MYH14: variants seen among roughly 807,000 people sequenced by gnomAD.
MYH14 encodes myosin heavy chain 14.
Under a neutral mutation model 255.5 loss-of-function variants are expected in MYH14, and 123 were observed. That is an observed-to-expected ratio of 0.48 (90% CI 0.42 to 0.56). MYH14 has a LOEUF of 0.56. MYH14 is among the 20% of genes least tolerant of loss of function. The probability of loss-of-function intolerance (pLI) is 0.00; values close to 1 mark genes in which losing one functional copy is unlikely to be tolerated. For missense variants in MYH14, 2,423 were observed against 2,802.3 expected (o/e 0.86, Z 3.06); for synonymous variants, 1,095 against 1,161.2 (o/e 0.94, Z 1.16).
intron 8 of MYH14, among the ~76,000 whole-genome samples, chr19:50,228,210 T>A (rs2033200944): frequency 6.6e-6 from 1 of 150,386 alleles, no homozygotes; most frequent in South Asian, 2.1e-4. Flanking sequence ...TGCTTGAACC[T>A]GGGAGGCAGA....
chr19:50,295,738 G>A (rs141834834), intron 39 of MYH14, among the ~76,000 whole-genome samples: 96 of 152,086 alleles, frequency 6.3e-4, no homozygotes, highest in Middle Eastern at 3.4e-3. Flanking sequence ...GCTGCAGTGA[G>A]CCATGATTGC....
At position 50,259,128 on chromosome 19, in the gene MYH14, C is replaced by G. The variant is rs779655335; in HGVS notation, c.2233-16C>G. ...TGGCCGCCGCTGACCCCCGCGTGTC[C>G]GTCCGCTCTCCCCAGGCCGGGAAGC... On this transcript the variant is annotated splice_polypyrimidine_tract_variant and intron_variant, in intron 18 of 42. Coordinates refer to ENST00000642316, the MANE Select transcript of MYH14 (RefSeq NM_001145809.2). 3 of 1,545,452 alleles carry G rather than the reference C, an allele frequency of 1.9e-6. No homozygotes were observed. The highest frequency in any genetic ancestry group is 2.4e-5 in the East Asian group (1 of 40,864).
In MYH14 at chr19:50,250,928, GGC is replaced by G. The variant is rs1246705008; in HGVS notation, c.1830+242_1830+243del. 6.6e-6 allele frequency among the ~76,000 whole-genome samples: 1 copy of G among 152,204 alleles called. No individual in the cohort carries two copies. The highest frequency in any genetic ancestry group is 2.4e-5 in the African/African-American group (1 of 41,452). ...AGGGATGGGTAGGAGTTCATCAGGA[GGC>G]GATCTATGTGCATTTTATCCACTTA... On this transcript the variant is annotated intron_variant, in intron 15 of 42. Coordinates refer to ENST00000642316, the MANE Select transcript of MYH14 (RefSeq NM_001145809.2). The surrounding 1 kb of genome is among the most constrained non-coding windows in gnomAD (Gnocchi z 5.4).
rs779951255 is a variant in MYH14 at position 50,271,939 on chromosome 19, C to G, written c.3262C>G (p.Leu1088Val). Residue 1088 changes from leucine to valine, a missense_variant, in exon 26 of 43, where the codon CTC becomes GTC. Leu to Val is a conservative substitution (Grantham distance 32). This residue lies in a region of MYH14 where 1,513 missense variants were observed against 1,674.8 expected (regional missense o/e 0.90). Coordinates refer to ENST00000642316, the MANE Select transcript of MYH14 (RefSeq NM_001145809.2). ...EKVKSLNKLR[L>V]KYEATIADME... ...GGTCAAGAGCCTCAATAAGCTACGG[C>G]TCAAATATGAGGCCACAATCGCAGA... is the stretch of plus-strand genomic sequence containing the variant. The G allele has an allele frequency of 5.0e-6, 8 of 1,611,394 alleles. No homozygotes were observed. The Admixed American group carries it at 8.4e-5, about 17-fold the overall frequency.
intron 27 of MYH14, among the ~76,000 whole-genome samples, chr19:50,273,510 A>G (rs2035390040): frequency 6.6e-6 from 1 of 151,988 alleles, no homozygotes; most frequent in Admixed American, 6.6e-5. Flanking sequence ...GCTTCATGCA[A>G]TCTAAGACCC....
intron 33 of MYH14, among the ~76,000 whole-genome samples, chr19:50,282,543 A>G (rs1450413038): frequency 6.6e-6 from 1 of 152,184 alleles, no homozygotes; most frequent in Non-Finnish European, 1.5e-5. Flanking sequence ...CTCTACTAAA[A>G]TACAAAAAAA....
intron 5 of MYH14, 84 bp from the exon 6 acceptor site, chr19:50,224,070 T>A: frequency 7.3e-5 from 35 of 480,844 alleles, no homozygotes; most frequent in East Asian, 2.1e-4. Context: ...TGCCACCACC[T>A]GAGATCACTG....
chr19:50,298,584 CTA>C (rs1426482465), intron 39 of MYH14, among the ~76,000 whole-genome samples: 1 of 151,598 alleles, frequency 6.6e-6, no homozygotes, highest in Non-Finnish European at 1.5e-5. Flanking sequence ...ACCCCTGTCT[CTA>C]CTAAAAATAC....
intron 34 of MYH14, among the ~76,000 whole-genome samples, chr19:50,288,126 A>C (rs938600238): frequency 1.1e-4 from 16 of 152,180 alleles, no homozygotes; most frequent in African/African-American, 3.9e-4. Flanking sequence ...TCCTTCCTTC[A>C]TTCATCCTCT....
chr19:50,248,088 A>G (rs955659046), intron 12 of MYH14, among the ~76,000 whole-genome samples: 5 of 151,516 alleles, frequency 3.3e-5, no homozygotes, highest in Non-Finnish European at 7.4e-5. Context: ...AAAAGAAAAA[A>G]AGAAAATTGA....
chr19:50,286,185 G>T, intron 33 of MYH14: 1 of 250,200 alleles, frequency 4.0e-6, no homozygotes, highest in East Asian at 7.2e-5. Context: ...AAAGGTTGAA[G>T]TACATTTAAA....
In MYH14 at chr19:50,289,430, C is replaced by G. The variant is rs757474872; in HGVS notation, c.4753-6C>G. The G allele has an allele frequency of 1.2e-6, 2 of 1,602,658 alleles. No individual in the cohort carries two copies. Among genetic ancestry groups the G allele is most frequent in the Non-Finnish European group, 8.5e-7 (1 of 1,175,164 alleles). Reference sequence around the variant, plus strand: ...CCAGGTACCCAGCAGCTACTCTCCCCACCAGGTGCATGAGCTGGAACGAGC... The same window carrying G: ...CCAGGTACCCAGCAGCTACTCTCCCGACCAGGTGCATGAGCTGGAACGAGC... On this transcript the variant is annotated splice_region_variant and splice_polypyrimidine_tract_variant and intron_variant, in intron 34 of 42. Coordinates refer to ENST00000642316, the MANE Select transcript of MYH14 (RefSeq NM_001145809.2).
chr19:50,210,879 A>G (rs1568462284), intron 2 of MYH14, 109 bp downstream of exon 2: 9 of 1,481,014 alleles, frequency 6.1e-6, no homozygotes, highest in Non-Finnish European at 5.4e-6. Flanking sequence ...TATCATCTGT[A>G]TCCCATGTCC....
At chr19:50,213,329 G>A (rs1482225919) in intron 2 of MYH14, among the ~76,000 whole-genome samples, 2 of 152,156 alleles carry the variant, frequency 1.3e-5, no homozygotes, top group East Asian at 3.8e-4. Context: ...TCTGCAGGTG[G>A]GGAAGCTGAG....
chr19:50,273,019 G>A (rs867618339), intron 27 of MYH14, among the ~76,000 whole-genome samples: 4 of 152,234 alleles, frequency 2.6e-5, no homozygotes, highest in Middle Eastern at 3.4e-3. Flanking sequence ...GGCCAAGTAC[G>A]ATGGCTCACA....
At chr19:50,291,070 A>AGGGAG in intron 36 of MYH14, 22 bp downstream of exon 36, 1 of 1,609,350 alleles carries the variant, frequency 6.2e-7, no homozygotes, top group Non-Finnish European at 8.5e-7. Flanking sequence ...CGTGAGCTGC[A>AGGGAG]GGGAGGGGAG....
chr19:50,274,141 C>G (rs788340), intron 27 of MYH14, among the ~76,000 whole-genome samples: 8 of 152,112 alleles, frequency 5.3e-5, no homozygotes, highest in Admixed American at 1.3e-4. Flanking sequence ...CAATAAATGC[C>G]GGATGTTTCT....
intron 10 of MYH14, among the ~76,000 whole-genome samples, chr19:50,240,948 T>A (rs916156257): frequency 6.6e-6 from 1 of 152,094 alleles, no homozygotes; most frequent in African/African-American, 2.4e-5. Context: ...ATGGGAAGCA[T>A]AGAAGGACCT....
At chr19:50,245,975 C>T (rs1447761604) in intron 11 of MYH14, among the ~76,000 whole-genome samples, 1 of 128,834 alleles carries the variant, frequency 7.8e-6, no homozygotes, top group Non-Finnish European at 1.6e-5. Flanking sequence ...TCCCTCCCTC[C>T]TTCCTTCCTT....
Sources: gnomAD v4.1 joint callset for allele counts (sites outside exome capture counted in the v4.1 genomes callset) on GRCh38, gnomAD v4.1.1 for gene constraint, gnomAD v4.1.1 regional missense constraint, Gnocchi (gnomAD v3.1) non-coding constraint, MANE v1.5 for transcripts, NCBI Gene and HGNC (gene_info 2026-07-23, HGNC 2026-07-21) for gene names.